The following SPIRE1 variants were observed in gnomAD, a reference collection of about 807,000 sequenced individuals.
SPIRE1 encodes spire type actin nucleation factor 1, also known as protein spire homolog 1.
In SPIRE1, 40 loss-of-function variants were observed where a neutral mutation model predicts 94.1. The ratio of observed to expected loss-of-function variants is 0.43; its 90% CI spans 0.33 to 0.55. SPIRE1 has a LOEUF of 0.55. Among genes scored for constraint, SPIRE1 ranks in the 20% least tolerant of loss-of-function variants. The pLI, the probability that SPIRE1 is intolerant of heterozygous loss-of-function variation, is 0.06. For synonymous variants in SPIRE1, 376 were observed against 371.7 expected (o/e 1.01, Z -0.13); for missense variants, 838 against 975.2 (o/e 0.86, Z 1.87).
intron 2 of SPIRE1, among the ~76,000 whole-genome samples, chr18:12,613,093 T>G (rs2037188418): frequency 6.6e-6 from 1 of 152,194 alleles, no homozygotes. Context: ...TTATCTGTTG[T>G]GTTCACTGAT....
intron 2 of SPIRE1, among the ~76,000 whole-genome samples, chr18:12,566,798 A>G (rs541220009): frequency 2.0e-5 from 3 of 152,122 alleles, no homozygotes; most frequent in Non-Finnish European, 4.4e-5. Flanking sequence ...AACCCTCTAC[A>G]ATCTACCTCA....
chr18:12,587,090 T>C (rs957589897), intron 2 of SPIRE1, among the ~76,000 whole-genome samples: 1 of 152,158 alleles, frequency 6.6e-6, no homozygotes, highest in African/African-American at 2.4e-5. Context: ...TTCCTTCTGA[T>C]CAAGAAACTG....
At chr18:12,458,245 T>TA (rs888831113) in intron 12 of SPIRE1, among the ~76,000 whole-genome samples, 4 of 152,052 alleles carry the variant, frequency 2.6e-5, no homozygotes, top group African/African-American at 9.7e-5. Flanking sequence ...TTTGAGTTTT[T>TA]AATAAACCAA....
chr18:12,557,846 G>C (rs1368852235), intron 2 of SPIRE1, among the ~76,000 whole-genome samples: 2 of 151,976 alleles, frequency 1.3e-5, no homozygotes, highest in Non-Finnish European at 2.9e-5. Context: ...ACAGAATAGA[G>C]CCCTCAGAAA....
At chr18:12,611,583 C>A (rs1253685946) in intron 2 of SPIRE1, among the ~76,000 whole-genome samples, 1 of 152,208 alleles carries the variant, frequency 6.6e-6, no homozygotes, top group Non-Finnish European at 1.5e-5. Flanking sequence ...CCAGAATCAC[C>A]CAGCTAAGCC....
chr18:12,511,709 C>A (rs897338423), intron 5 of SPIRE1, among the ~76,000 whole-genome samples: 1 of 152,046 alleles, frequency 6.6e-6, no homozygotes, highest in African/African-American at 2.4e-5. Flanking sequence ...ATACTACAGT[C>A]CTTAATGACG....
At chr18:12,658,208 G>T, upstream of SPIRE1, 1 of 607,066 alleles carries the variant, frequency 1.6e-6, no homozygotes, top group Non-Finnish European at 2.6e-6. Context: ...CTCTGGAGGT[G>T]AGGACCAGGC....
At chr18:12,469,100 C>T (rs2032240030) in intron 10 of SPIRE1, among the ~76,000 whole-genome samples, 2 of 152,044 alleles carry the variant, frequency 1.3e-5, no homozygotes, top group Admixed American at 6.6e-5. Context: ...CCTGAATCTC[C>T]GTTTTAAAGT....
At chr18:12,615,345 A>AAAAAAAAATATAT in intron 2 of SPIRE1, among the ~76,000 whole-genome samples, 4 of 17,244 alleles carry the variant, frequency 2.3e-4, no homozygotes, top group East Asian at 1.7e-3. Context: ...AAAAAAAAAA[A>AAAAAAAAATATAT]ATATATATAT....
intron 16 of SPIRE1, 151 bp from the exon 17 acceptor site, chr18:12,450,047 T>C: frequency 1.1e-6 from 1 of 877,366 alleles, no homozygotes; most frequent in Non-Finnish European, 1.7e-6. Context: ...AAAAATTTCT[T>C]ATTGGTGACA....
chr18:12,474,527 A>G (rs966879672), intron 10 of SPIRE1, among the ~76,000 whole-genome samples: 3 of 152,130 alleles, frequency 2.0e-5, no homozygotes, highest in Non-Finnish European at 4.4e-5. Context: ...TTGGCACTTA[A>G]AAACATGTTT....
chr18:12,659,117 A>T (rs899102100), upstream of SPIRE1, among the ~76,000 whole-genome samples: 1 of 152,224 alleles, frequency 6.6e-6, no homozygotes, highest in African/African-American at 2.4e-5. Context: ...AATTCCACTG[A>T]GGCTAGTCCT....
At chr18:12,488,443 T>C (rs551112386) in intron 8 of SPIRE1, among the ~76,000 whole-genome samples, 1 of 152,158 alleles carries the variant, frequency 6.6e-6, no homozygotes, top group Non-Finnish European at 1.5e-5. Context: ...AGTACAGGCA[T>C]ATCAGGCACA....
chr18:12,503,108 C>CA (rs1041966888), intron 6 of SPIRE1, among the ~76,000 whole-genome samples: 8 of 112,056 alleles, frequency 7.1e-5, no homozygotes, highest in South Asian at 2.8e-4. Flanking sequence ...GACTCTGTCT[C>CA]AAAAAAAAAG....
chr18:12,587,334 A>C (rs548759591), intron 2 of SPIRE1, among the ~76,000 whole-genome samples: 1 of 152,260 alleles, frequency 6.6e-6, no homozygotes, highest in South Asian at 2.1e-4. Context: ...AGACTCTAGG[A>C]AAAAAACCTC....
intron 10 of SPIRE1, among the ~76,000 whole-genome samples, chr18:12,476,564 A>AAAAT (rs1568194404): frequency 1.1e-4 from 8 of 69,870 alleles, no homozygotes; most frequent in East Asian, 4.0e-4. Flanking sequence ...AAAAAAAAAA[A>AAAAT]ATATATATAT....
intron 2 of SPIRE1, among the ~76,000 whole-genome samples, chr18:12,586,829 C>G (rs531660963): frequency 6.6e-6 from 1 of 152,222 alleles, no homozygotes; most frequent in South Asian, 2.1e-4. Flanking sequence ...GCCTCCTGAG[C>G]CCCTGAAGGA....
At chr18:12,558,763 C>G (rs148540367) in intron 2 of SPIRE1, among the ~76,000 whole-genome samples, 1,916 of 152,246 alleles carry the variant, frequency 0.013, 88 homozygotes, top group East Asian at 0.098. Flanking sequence ...AAACCCGGAG[C>G]TAGACACAGA....
intron 2 of SPIRE1, among the ~76,000 whole-genome samples, chr18:12,632,865 T>C (rs2144807305): frequency 6.6e-6 from 1 of 152,324 alleles, no homozygotes; most frequent in East Asian, 1.9e-4. Flanking sequence ...GTGGATTTTA[T>C]GACAATATAA....
Sources: gnomAD v4.1 joint callset for allele counts (sites outside exome capture counted in the v4.1 genomes callset) on GRCh38, gnomAD v4.1.1 for gene constraint, MANE v1.5 for transcripts, NCBI Gene and HGNC (gene_info 2026-07-23, HGNC 2026-07-21) for gene names.